ROBO1: variants seen among roughly 807,000 people sequenced by gnomAD.
ROBO1 encodes the protein roundabout homolog 1.
In ROBO1, 149 loss-of-function variants were observed where a neutral mutation model predicts 195.9. That is an observed-to-expected ratio of 0.76 (90% CI 0.67 to 0.87). ROBO1 has a LOEUF of 0.87. Among genes scored for constraint, ROBO1 ranks in the 40% least tolerant of loss-of-function variants. The probability of loss-of-function intolerance (pLI) is 0.00; values close to 1 mark genes in which losing one functional copy is unlikely to be tolerated. For synonymous variants in ROBO1, 816 were observed against 733.2 expected, an observed-to-expected ratio of 1.11 and a Z score of -1.82; for missense variants, 1,933 against 2,068.3, an observed-to-expected ratio of 0.93 and a Z score of 1.27.
intron 4 of ROBO1, among the ~76,000 whole-genome samples, chr3:78,877,420 C>T (rs2035920272): frequency 6.6e-6 from 1 of 150,518 alleles, no homozygotes; most frequent in Non-Finnish European, 1.5e-5. Flanking sequence ...TATGAAATAA[C>T]AACAAGAATA....
chr3:79,029,505 C>T (rs1053283693), intron 3 of ROBO1, among the ~76,000 whole-genome samples: 1 of 152,106 alleles, frequency 6.6e-6, no homozygotes, highest in African/African-American at 2.4e-5. Context: ...ACCACATTGT[C>T]CACTACACTA....
intron 2 of ROBO1, among the ~76,000 whole-genome samples, chr3:79,518,146 C>T (rs1941033410): frequency 6.6e-6 from 1 of 152,248 alleles, no homozygotes; most frequent in Non-Finnish European, 1.5e-5. Flanking sequence ...CTCTTACAAC[C>T]TATTTGGTTT....
At chr3:79,398,408 G>A (rs540537604) in intron 2 of ROBO1, among the ~76,000 whole-genome samples, 19 of 152,252 alleles carry the variant, frequency 1.2e-4, no homozygotes, top group African/African-American at 4.3e-4. Context: ...TGAAATCACT[G>A]TGAACATGAC....
chr3:79,027,652 C>G (rs2078224768), intron 3 of ROBO1, among the ~76,000 whole-genome samples: 1 of 151,938 alleles, frequency 6.6e-6, no homozygotes, highest in Non-Finnish European at 1.5e-5. Flanking sequence ...ATATATTTTC[C>G]CAAGAGTTTA....
intron 2 of ROBO1, among the ~76,000 whole-genome samples, chr3:79,320,385 G>A (rs2033927935): frequency 6.6e-6 from 1 of 152,176 alleles, no homozygotes; most frequent in Non-Finnish European, 1.5e-5. Context: ...CTGGAGTGCA[G>A]TGGCACAATC....
At chr3:78,756,094 C>T (rs2082922215) in intron 4 of ROBO1, among the ~76,000 whole-genome samples, 1 of 151,862 alleles carries the variant, frequency 6.6e-6, no homozygotes, top group Admixed American at 6.6e-5. Context: ...ATATATACAA[C>T]ATATGTGGAT....
chr3:79,564,529 T>C (rs1943029831), intron 2 of ROBO1, among the ~76,000 whole-genome samples: 1 of 152,118 alleles, frequency 6.6e-6, no homozygotes, highest in African/African-American at 2.4e-5. Context: ...AGTCAAACAG[T>C]AATTTATCAA....
intron 4 of ROBO1, among the ~76,000 whole-genome samples, chr3:78,815,639 G>A (rs1320487235): frequency 6.6e-6 from 1 of 151,642 alleles, no homozygotes; most frequent in Non-Finnish European, 1.5e-5. Flanking sequence ...AGGTGAGACA[G>A]CAAGCATGTT....
intron 2 of ROBO1, among the ~76,000 whole-genome samples, chr3:79,581,088 A>C (rs899050518): frequency 1.3e-5 from 2 of 152,136 alleles, no homozygotes; most frequent in African/African-American, 2.4e-5. Flanking sequence ...TAGTTGAATG[A>C]AGTAATGACA....
rs753490335 is a variant in ROBO1 at position 79,684,219 on chromosome 3, CA to C, written c.-51+83532del. 2.0e-5 allele frequency among the ~76,000 whole-genome samples: 3 copies of C among 152,134 alleles called. No homozygotes were observed. In the South Asian group the frequency reaches 6.2e-4, roughly 32 times the overall value. ...TGATTAAAGATGTTCAGCATCTTTTCAAATGCACATTGAGCATTGTCAGCAC... is the reference window on the plus strand; with the variant it reads ...TGATTAAAGATGTTCAGCATCTTTTCAATGCACATTGAGCATTGTCAGCAC... On this transcript the variant is annotated intron_variant, in intron 1 of 30. Coordinates refer to ENST00000464233, the MANE Select transcript of ROBO1 (RefSeq NM_002941.4).
At chr3:79,515,293 A>G (rs557752750) in intron 2 of ROBO1, among the ~76,000 whole-genome samples, 1 of 152,334 alleles carries the variant, frequency 6.6e-6, no homozygotes, top group African/African-American at 2.4e-5. Flanking sequence ...ATGTTCGCCA[A>G]TGCTCTGTGT....
chr3:78,823,450 A>G (rs777017941), intron 4 of ROBO1, among the ~76,000 whole-genome samples: 1 of 152,198 alleles, frequency 6.6e-6, no homozygotes, highest in African/African-American at 2.4e-5. Flanking sequence ...ACAGGGAACA[A>G]TATCAAACAT....
In ROBO1 at chr3:78,606,910, C is replaced by CT. The variant is rs762468070; in HGVS notation, c.4566dup (p.Asp1523ArgfsTer20). 1 of 1,613,868 alleles carries CT rather than the reference C, an allele frequency of 6.2e-7. No individual in the cohort carries two copies. The highest frequency in any genetic ancestry group is 8.5e-7 in the Non-Finnish European group (1 of 1,179,882). ...CCCTTGTAACTGCTTCCTTTTCTGT[C>CT]TGATGATCTGTCTGTTCTTGCATCC... On this transcript the variant is annotated frameshift_variant, in exon 29 of 31. Transcript: ENST00000464233. LOFTEE classifies it high-confidence loss of function.
chr3:79,195,372 A>T (rs886982884), intron 2 of ROBO1, among the ~76,000 whole-genome samples: 2 of 151,662 alleles, frequency 1.3e-5, no homozygotes, highest in African/African-American at 2.4e-5. Flanking sequence ...GTGATATTAT[A>T]AGGAATGAGC....
chr3:78,867,616 T>C (rs1015768829), intron 4 of ROBO1, among the ~76,000 whole-genome samples: 2 of 152,192 alleles, frequency 1.3e-5, no homozygotes, highest in African/African-American at 4.8e-5. Flanking sequence ...TGCTTGGGAA[T>C]CATGATGCAA....
chr3:78,715,257 TA>T (rs1305842002), intron 7 of ROBO1: 1 of 152,190 alleles, frequency 6.6e-6, no homozygotes, highest in Non-Finnish European at 1.5e-5. Flanking sequence ...TTTAATGTAT[TA>T]AATAAAACTT....
chr3:79,555,692 T>C (rs9828140), intron 2 of ROBO1, among the ~76,000 whole-genome samples: 36,920 of 152,050 alleles, frequency 0.24, 5,132 homozygotes, highest in African/African-American at 0.37. Context: ...CTTGGTTACA[T>C]GGTTAAGATT....
intron 7 of ROBO1, 119 bp downstream of exon 7, chr3:78,717,156 T>G: frequency 9.7e-7 from 1 of 1,032,792 alleles, no homozygotes. Context: ...GTATTGTATC[T>G]GGCCCCTGAT....
At chr3:79,563,102 C>T (rs1158330819) in intron 2 of ROBO1, among the ~76,000 whole-genome samples, 2 of 151,980 alleles carry the variant, frequency 1.3e-5, no homozygotes, top group Non-Finnish European at 2.9e-5. Flanking sequence ...TATAAAGTGT[C>T]AAAGCATAAT....
Sources: gnomAD v4.1 joint callset for allele counts (sites outside exome capture counted in the v4.1 genomes callset) on GRCh38, gnomAD v4.1.1 for gene constraint, MANE v1.5 for transcripts, NCBI Gene and HGNC (gene_info 2026-07-23, HGNC 2026-07-21) for gene names.